BAIAP2L1: variants seen among roughly 807,000 people sequenced by gnomAD.
BAIAP2L1 encodes the protein BAR/IMD domain-containing adapter protein 2-like 1.
A neutral mutation model predicts 66.3 loss-of-function variants in BAIAP2L1; 35 were observed. That is an observed-to-expected ratio of 0.53 (90% CI 0.40 to 0.70). The LOEUF is 0.70. BAIAP2L1 is among the 30% of genes least tolerant of loss of function. The pLI, the probability that BAIAP2L1 is intolerant of heterozygous loss-of-function variation, is 0.00. For missense variants in BAIAP2L1, 622 were observed against 656.9 expected (o/e 0.95, Z 0.58); for synonymous variants, 269 against 248.7 (o/e 1.08, Z -0.77).
chr7:98,327,830 C>T (rs963000324), intron 3 of BAIAP2L1, among the ~76,000 whole-genome samples: 12 of 152,258 alleles, frequency 7.9e-5, no homozygotes, highest in African/African-American at 2.2e-4. Flanking sequence ...CATCCACCTC[C>T]GGCGGTTAAT....
At chr7:98,398,896 G>A (rs775558774) in intron 1 of BAIAP2L1, among the ~76,000 whole-genome samples, 28 of 152,178 alleles carry the variant, frequency 1.8e-4, no homozygotes, top group African/African-American at 4.3e-4. Flanking sequence ...GAAGAAGGGC[G>A]GAAGGCAGTG....
At chr7:98,343,480 T>C (rs555013268) in intron 3 of BAIAP2L1, among the ~76,000 whole-genome samples, 1 of 151,814 alleles carries the variant, frequency 6.6e-6, no homozygotes, top group African/African-American at 2.4e-5. Flanking sequence ...AAATAAACAG[T>C]TGGATTAAAA....
intron 3 of BAIAP2L1, among the ~76,000 whole-genome samples, chr7:98,337,836 T>G (rs577503587): frequency 1.3e-5 from 2 of 152,266 alleles, no homozygotes; most frequent in South Asian, 4.1e-4. Context: ...GAGAATTGCT[T>G]GAACCCAGGA....
intron 2 of BAIAP2L1, among the ~76,000 whole-genome samples, chr7:98,357,035 ATATATATATATATATTTTTT>A (rs1251490456): frequency 6.6e-4 from 11 of 16,608 alleles, no homozygotes; most frequent in African/African-American, 2.1e-3. Flanking sequence ...ATATATATAT[ATATATATATATATATTTTTT>A]TTTTTTTTTT....
At chr7:98,338,942 G>A (rs570964203) in intron 3 of BAIAP2L1, among the ~76,000 whole-genome samples, 23 of 152,080 alleles carry the variant, frequency 1.5e-4, no homozygotes, top group African/African-American at 3.6e-4. Context: ...GTGTGGTAGC[G>A]CATGCCTATA....
At chr7:98,392,066 C>T (rs1233619968) in intron 1 of BAIAP2L1, among the ~76,000 whole-genome samples, 3 of 150,480 alleles carry the variant, frequency 2.0e-5, no homozygotes, top group Admixed American at 1.3e-4. Context: ...CTGGGAACGA[C>T]GGTGCACGAC....
chr7:98,326,619 G>T (rs1029430496), intron 3 of BAIAP2L1, among the ~76,000 whole-genome samples: 2 of 152,132 alleles, frequency 1.3e-5, no homozygotes, highest in Non-Finnish European at 2.9e-5. Context: ...AGGAATCTGC[G>T]AGTCCACAGT....
chr7:98,391,041 A>G (rs1584507522), intron 1 of BAIAP2L1, among the ~76,000 whole-genome samples: 1 of 148,526 alleles, frequency 6.7e-6, no homozygotes, highest in African/African-American at 2.5e-5. Flanking sequence ...ATGGGGTTTC[A>G]CCATGTTGGC....
At chr7:98,354,913 C>A (rs753760098) in intron 3 of BAIAP2L1, 129 bp downstream of exon 3, 1 of 706,360 alleles carries the variant, frequency 1.4e-6, no homozygotes, top group Non-Finnish European at 2.5e-6. Context: ...CCACAGACCG[C>A]GGTGAAGTAG....
rs759446214 is a variant in BAIAP2L1, at chr7:98,293,549, T to C, written c.1508A>G (p.Asn503Ser). Reference protein sequence around the residue: ...ATVKLRPTVTNDRSAPIIR With the variant: ...ATVKLRPTVTSDRSAPIIR ...TCGAATGATGGGTGCCGAGCGATCA[T>C]TCGTCACAGTCGGGCGGAGTTTCAC... The change falls in exon 14 of 14, where the codon AAT (asparagine) becomes AGT (serine). Residue 503 changes from asparagine (N) to serine (S), a missense_variant. Physicochemically the swap from Asn to Ser is conservative, Grantham distance 46. Transcript: ENST00000005260. The C allele has an allele frequency of 5.6e-6, 9 of 1,613,738 alleles. No individual in the cohort carries two copies. In the East Asian group the frequency reaches 2.0e-4, roughly 36 times the overall value.
chr7:98,343,539 G>C (rs963663712), intron 3 of BAIAP2L1, among the ~76,000 whole-genome samples: 2 of 152,142 alleles, frequency 1.3e-5, no homozygotes, highest in African/African-American at 4.8e-5. Flanking sequence ...TTGGGTTGAC[G>C]GTTTGTTTGC....
At chr7:98,319,516 AGT>A (rs1554413326) in intron 5 of BAIAP2L1, among the ~76,000 whole-genome samples, 3 of 150,786 alleles carry the variant, frequency 2.0e-5, no homozygotes, top group Non-Finnish European at 1.5e-5. Context: ...TTCTGGAAGC[AGT>A]GTGATTTCCT....
intron 1 of BAIAP2L1, among the ~76,000 whole-genome samples, chr7:98,385,386 CTTTACT>C (rs1802862531): frequency 6.6e-6 from 1 of 152,062 alleles, no homozygotes; most frequent in Non-Finnish European, 1.5e-5. Context: ...AGTTTAAATT[CTTTACT>C]TTTATTTCTC....
intron 3 of BAIAP2L1, among the ~76,000 whole-genome samples, chr7:98,339,654 G>A (rs1021636891): frequency 3.3e-5 from 5 of 152,214 alleles, no homozygotes; most frequent in African/African-American, 1.2e-4. Context: ...CCTCTCTTCA[G>A]CCTGTCACGG....
At chr7:98,332,839 G>A (rs1451847046) in intron 3 of BAIAP2L1, among the ~76,000 whole-genome samples, 2 of 148,220 alleles carry the variant, frequency 1.3e-5, no homozygotes, top group Non-Finnish European at 3.0e-5. Flanking sequence ...AAAGTTAGCT[G>A]GCATCTCTCC....
chr7:98,395,612 C>T (rs1239598273), intron 1 of BAIAP2L1, among the ~76,000 whole-genome samples: 1 of 151,930 alleles, frequency 6.6e-6, no homozygotes, highest in African/African-American at 2.4e-5. Context: ...TTAAGCACAA[C>T]TTTATGTATA....
chr7:98,386,063 C>G (rs1394681676), intron 1 of BAIAP2L1: 2 of 1,506,274 alleles, frequency 1.3e-6, no homozygotes, highest in African/African-American at 2.7e-5. Context: ...TTTGTCTGCA[C>G]CTCTCGGGTC....
intron 5 of BAIAP2L1, 132 bp downstream of exon 5, chr7:98,319,926 T>C (rs1294443196): frequency 2.7e-6 from 2 of 752,202 alleles, no homozygotes; most frequent in East Asian, 2.5e-5. Flanking sequence ...GTCGGTTTCA[T>C]GCATCTGGGC....
chr7:98,312,295 A>T (rs202108274), intron 7 of BAIAP2L1, 31 bp from the exon 8 acceptor site: 19 of 1,576,244 alleles, frequency 1.2e-5, no homozygotes, highest in Non-Finnish European at 1.5e-5. Context: ...GACTAAAGAC[A>T]AAGAAGATTG....
Sources: allele counts gnomAD v4.1 joint callset (sites outside exome capture counted in the v4.1 genomes callset), GRCh38; gene constraint gnomAD v4.1.1; transcripts MANE v1.5; gene names NCBI Gene and HGNC (gene_info 2026-07-23, HGNC 2026-07-21).